Variants in CSMD1 observed in about 807,000 individuals in gnomAD.
CSMD1 encodes the protein CUB and Sushi multiple domains 1, also known as CUB and sushi domain-containing protein 1.
Under a neutral mutation model 417.5 loss-of-function variants are expected in CSMD1, and 213 were observed. The ratio of observed to expected loss-of-function variants is 0.51; its 90% CI spans 0.46 to 0.57. The LOEUF is 0.57. Ranked by LOEUF, CSMD1 falls within the 20% of genes least tolerant of loss-of-function variation. CSMD1 has a pLI of 0.00. For synonymous variants in CSMD1, 2,862 were observed against 1,736.8 expected, an observed-to-expected ratio of 1.65 and a Z score of -16.11; for missense variants, 6,923 against 4,529.7, an observed-to-expected ratio of 1.53 and a Z score of -15.17.
At chr8:3,372,557 G>C (rs1810029727) in intron 18 of CSMD1, among the ~76,000 whole-genome samples, 1 of 152,146 alleles carries the variant, frequency 6.6e-6, no homozygotes, top group Admixed American at 6.5e-5. Flanking sequence ...GGTAGAGCCG[G>C]TGGGACTTTC....
Position 2,937,697 on chromosome 8 carries a change from G to A in CSMD1, c.*888C>T, listed in dbSNP as rs765039482. The A allele has an allele frequency of 6.6e-5, 10 of 152,290 alleles. No homozygotes were observed. Among genetic ancestry groups the A allele is most frequent in the East Asian group, 1.9e-4 (1 of 5,176 alleles). 9.4% of individuals were successfully genotyped at this position (152,290 alleles called of 1,614,324 possible). On this transcript the variant is annotated 3_prime_UTR_variant, in exon 70 of 70. Transcript: ENST00000635120. ...TGGACCTCTTCAATGAATTCAACAC[G>A]TAAATGGAGCTAATTGAAGCAATAA...
intron 5 of CSMD1, among the ~76,000 whole-genome samples, chr8:3,797,623 G>C (rs1163193018): frequency 2.6e-5 from 4 of 151,728 alleles, no homozygotes; most frequent in Non-Finnish European, 5.9e-5. Context: ...TTTATTGTTG[G>C]GTAGTGTTCT....
intron 3 of CSMD1, among the ~76,000 whole-genome samples, chr8:4,282,548 T>G (rs1796847114): frequency 6.6e-6 from 1 of 152,248 alleles, no homozygotes; most frequent in African/African-American, 2.4e-5. Context: ...TAATGTGTTT[T>G]TCTATGCAGC....
At chr8:4,980,778 G>C (rs1295074110) in intron 1 of CSMD1, among the ~76,000 whole-genome samples, 4 of 151,942 alleles carry the variant, frequency 2.6e-5, no homozygotes, top group African/African-American at 9.7e-5. Flanking sequence ...GGTGGCATGG[G>C]TCTGTAGTCC....
At chr8:3,988,149 T>G (rs1321483185) in intron 5 of CSMD1, among the ~76,000 whole-genome samples, 1 of 152,236 alleles carries the variant, frequency 6.6e-6, no homozygotes, top group South Asian at 2.1e-4. Context: ...GCTGGGCAGT[T>G]GGGCTGGTTC....
intron 3 of CSMD1, among the ~76,000 whole-genome samples, chr8:4,076,670 G>C (rs1207781310): frequency 1.3e-5 from 2 of 152,110 alleles, no homozygotes; most frequent in East Asian, 3.9e-4. Flanking sequence ...TATGCATCGT[G>C]CTCCAAACAA....
At chr8:4,080,550 T>C (rs996006705) in intron 3 of CSMD1, among the ~76,000 whole-genome samples, 1 of 152,212 alleles carries the variant, frequency 6.6e-6, no homozygotes, top group African/African-American at 2.4e-5. Flanking sequence ...CATAGGTTTC[T>C]CCAGAAGATA....
At chr8:4,006,859 A>T (rs1816160363) in intron 4 of CSMD1, among the ~76,000 whole-genome samples, 1 of 112,590 alleles carries the variant, frequency 8.9e-6, no homozygotes, top group East Asian at 2.5e-4. Flanking sequence ...ATGGAGACTC[A>T]CTCTGTTGCC....
At chr8:4,104,238 G>A (rs1042199396) in intron 3 of CSMD1, among the ~76,000 whole-genome samples, 40 of 152,308 alleles carry the variant, frequency 2.6e-4, no homozygotes, top group African/African-American at 8.9e-4. Flanking sequence ...TACACATAGA[G>A]ACATAGATAC....
intron 3 of CSMD1, among the ~76,000 whole-genome samples, chr8:4,123,560 A>C (rs978526470): frequency 1.3e-5 from 2 of 152,246 alleles, no homozygotes; most frequent in Non-Finnish European, 2.9e-5. Flanking sequence ...AACACATTTA[A>C]AGTGAGGAAA....
Position 3,558,627 on chromosome 8 carries a change from G to C in CSMD1, c.1344+16318C>G, listed in dbSNP as rs547536430. Among the ~76,000 whole-genome samples, 1,019 of 141,058 alleles carry C rather than the reference G, an allele frequency of 7.2e-3. 20 individuals carry two copies. The highest frequency in any genetic ancestry group is 0.027 in the African/African-American group (966 of 36,118). 92.5% of individuals were successfully genotyped at this position (141,058 alleles called of 152,430 possible). On this transcript the variant is annotated intron_variant, in intron 10 of 69. Transcript: ENST00000635120. The stretch of plus-strand genomic sequence containing the variant: ...GTGTCCACTCCTCCAATGATGAATA[G>C]TGCCTCAATAGTACCCCGTGTCCAC...
rs1441376339 is a variant in CSMD1, at chr8:3,636,761, G to C, written c.1010-19964C>G. ...AGCGAGGATGGCAGGGAGTAAGGCAGAGAGGTTCTCCTGACACTTCCACAC... is the reference window on the plus strand; with the variant it reads ...AGCGAGGATGGCAGGGAGTAAGGCACAGAGGTTCTCCTGACACTTCCACAC... On this transcript the variant is annotated intron_variant, in intron 7 of 69. Coordinates refer to ENST00000635120, the MANE Select transcript of CSMD1 (RefSeq NM_033225.6). Among the ~76,000 whole-genome samples, 7 of 152,300 alleles carry C rather than the reference G, an allele frequency of 4.6e-5. No individual in the cohort carries two copies. The South Asian group carries it at 8.3e-4, about 18-fold the overall frequency.
intron 2 of CSMD1, among the ~76,000 whole-genome samples, chr8:4,449,110 A>G (rs1585094005): frequency 6.6e-6 from 1 of 152,222 alleles, no homozygotes; most frequent in African/African-American, 2.4e-5. Flanking sequence ...AGATTTGCAA[A>G]AATAAAACAA....
chr8:4,625,076 T>G (rs566606722), intron 2 of CSMD1, among the ~76,000 whole-genome samples: 1 of 152,234 alleles, frequency 6.6e-6, no homozygotes, highest in South Asian at 2.1e-4. Context: ...AACAAAGTGT[T>G]CCTTAATTGG....
intron 2 of CSMD1, among the ~76,000 whole-genome samples, chr8:4,503,474 C>T (rs566307181): frequency 6.6e-6 from 1 of 152,234 alleles, no homozygotes; most frequent in Non-Finnish European, 1.5e-5. Context: ...AAGATACTTA[C>T]CTATACATAT....
chr8:3,390,033 C>G (rs1044516499), intron 17 of CSMD1, among the ~76,000 whole-genome samples: 8 of 151,900 alleles, frequency 5.3e-5, no homozygotes, highest in African/African-American at 1.9e-4. Flanking sequence ...GTAAAAGAAT[C>G]CTGAAACAAG....
chr8:4,609,898 G>C (rs1013711252), intron 2 of CSMD1, among the ~76,000 whole-genome samples: 42 of 152,234 alleles, frequency 2.8e-4, no homozygotes, highest in Admixed American at 1.2e-3. Flanking sequence ...TTTTCAAAAA[G>C]AAGGATCCCC....
intron 3 of CSMD1, among the ~76,000 whole-genome samples, chr8:4,288,791 G>A (rs546985625): frequency 4.0e-4 from 61 of 152,262 alleles, no homozygotes; most frequent in Admixed American, 9.8e-4. Context: ...GGTCTACGTA[G>A]CAGCCAACAT....
At chr8:3,525,990 A>G (rs145131784) in intron 10 of CSMD1, among the ~76,000 whole-genome samples, 341 of 152,284 alleles carry the variant, frequency 2.2e-3, no homozygotes, top group African/African-American at 7.9e-3. Flanking sequence ...GCACCTCTCT[A>G]GGACAAGCAA....
Sources: gnomAD v4.1 joint callset for allele counts (sites outside exome capture counted in the v4.1 genomes callset) on GRCh38, gnomAD v4.1.1 for gene constraint, MANE v1.5 for transcripts, NCBI Gene and HGNC (gene_info 2026-07-23, HGNC 2026-07-21) for gene names.